Variants in CD38 observed in about 807,000 individuals in gnomAD.
CD38 encodes CD38 molecule.
A neutral mutation model predicts 36.3 loss-of-function variants in CD38; 31 were observed. The observed-to-expected ratio is 0.85, with a 90% CI of 0.64 to 1.15. CD38 has a LOEUF of 1.15. Ranked by LOEUF, CD38 falls within the 50% of genes most tolerant of loss-of-function variation. The pLI, the probability that CD38 is intolerant of heterozygous loss-of-function variation, is 0.00. For missense variants in CD38, 380 were observed against 371.9 expected, an observed-to-expected ratio of 1.02 and a Z score of -0.18; for synonymous variants, 131 against 135.2, an observed-to-expected ratio of 0.97 and a Z score of 0.22.
At chr4:15,847,938 C>T (rs556781717) in intron 7 of CD38, among the ~76,000 whole-genome samples, 1 of 152,262 alleles carries the variant, frequency 6.6e-6, no homozygotes, top group South Asian at 2.1e-4. Context: ...ATAATGGGAA[C>T]CAGGTGACAC....
intron 5 of CD38, among the ~76,000 whole-genome samples, chr4:15,839,444 G>A (rs1370027577): frequency 1.1e-5 from 1 of 91,168 alleles, no homozygotes; most frequent in Admixed American, 1.5e-4. Flanking sequence ...TTTTTTTTGA[G>A]ATGGCGTCTC....
At chr4:15,847,877 G>T (rs1239718068) in intron 7 of CD38, among the ~76,000 whole-genome samples, 2 of 152,080 alleles carry the variant, frequency 1.3e-5, no homozygotes, top group Non-Finnish European at 2.9e-5. Flanking sequence ...TCTCCATCTG[G>T]AAAGAAAATA....
chr4:15,840,373 G>C, intron 6 of CD38, 79 bp from the exon 7 acceptor site: 1 of 938,244 alleles, frequency 1.1e-6, no homozygotes, highest in South Asian at 1.5e-5. Flanking sequence ...CCTTGTCCAG[G>C]GCGTGCTACA....
chr4:15,817,229 T>C (rs139618046), intron 2 of CD38, among the ~76,000 whole-genome samples: 1 of 152,318 alleles, frequency 6.6e-6, no homozygotes, highest in East Asian at 1.9e-4. Flanking sequence ...TAAATGTAAA[T>C]GGTATGAGAC....
chr4:15,803,202 C>T (rs1723266163), intron 1 of CD38, among the ~76,000 whole-genome samples: 1 of 152,036 alleles, frequency 6.6e-6, no homozygotes, highest in African/African-American at 2.4e-5. Flanking sequence ...TAAGAGAAAA[C>T]ATAAGGAAAA....
At chr4:15,829,469 C>T (rs1420247875) in intron 3 of CD38, among the ~76,000 whole-genome samples, 4 of 151,996 alleles carry the variant, frequency 2.6e-5, no homozygotes, top group African/African-American at 9.7e-5. Context: ...ACATAAAATA[C>T]ACTAATACTA....
rs745350308 is a variant in CD38 at position 15,778,546 on chromosome 4, G to A, written c.132G>A (p.Pro44=). 4 of 1,611,910 alleles carry A rather than the reference G, an allele frequency of 2.5e-6. No homozygotes were observed. In the South Asian group the frequency reaches 4.4e-5, roughly 18 times the overall value. ...ILVVVLAVVV[P]RWRQQWSGPG... is the part of the protein sequence containing the mutation. ...TCGTGGTGCTCGCGGTGGTCGTCCC[G>A]AGGTGGCGCCAGCAGTGGAGCGGTC... Residue 44 remains proline, a synonymous_variant, in exon 1 of 8, where the codon CCG becomes CCA. Coordinates refer to ENST00000226279, the MANE Select transcript of CD38 (RefSeq NM_001775.4). The surrounding 1 kb of genome is among the most constrained non-coding windows in gnomAD (Gnocchi z 4.9).
intron 5 of CD38, among the ~76,000 whole-genome samples, chr4:15,839,644 C>T (rs1040640167): frequency 1.3e-5 from 2 of 151,656 alleles, no homozygotes; most frequent in African/African-American, 4.8e-5. Flanking sequence ...AGGATGGTCT[C>T]GATCCCCTGG....
intron 1 of CD38, among the ~76,000 whole-genome samples, chr4:15,814,101 C>T (rs944153912): frequency 1.3e-5 from 2 of 152,342 alleles, no homozygotes; most frequent in African/African-American, 4.8e-5. Context: ...CACAGCCTCA[C>T]CAGCATCTGT....
chr4:15,832,835 G>C (rs1723986730), intron 3 of CD38, among the ~76,000 whole-genome samples: 1 of 152,110 alleles, frequency 6.6e-6, no homozygotes, highest in African/African-American at 2.4e-5. Flanking sequence ...CCAAGGCCCT[G>C]GGTTGGTCCA....
At chr4:15,824,681 A>AACAC (rs3832313) in intron 2 of CD38, among the ~76,000 whole-genome samples, 200 bp from the exon 3 acceptor site, 5 of 150,594 alleles carry the variant, frequency 3.3e-5, no homozygotes, top group African/African-American at 9.8e-5. Flanking sequence ...TGTGACCTAG[A>AACAC]ACACACACAC....
At chr4:15,823,160 C>A (rs1232170402) in intron 2 of CD38, among the ~76,000 whole-genome samples, 3 of 152,232 alleles carry the variant, frequency 2.0e-5, no homozygotes, top group Middle Eastern at 3.4e-3. Context: ...CCCTTCCTTG[C>A]AACTCATACA....
intron 1 of CD38, among the ~76,000 whole-genome samples, chr4:15,794,855 C>T (rs548399470): frequency 2.6e-5 from 4 of 151,910 alleles, no homozygotes; most frequent in Admixed American, 6.6e-5. Context: ...ACCACAAGCA[C>T]GAACATGTTT....
At chr4:15,836,899 G>A (rs1457955060) in intron 4 of CD38, among the ~76,000 whole-genome samples, 3 of 152,130 alleles carry the variant, frequency 2.0e-5, no homozygotes, top group African/African-American at 7.2e-5. Context: ...TTTGTCAAAT[G>A]GAAATCAAAA....
chr4:15,784,979 C>T (rs1271440953), intron 1 of CD38, among the ~76,000 whole-genome samples: 1 of 152,004 alleles, frequency 6.6e-6, no homozygotes, highest in Non-Finnish European at 1.5e-5. Context: ...TCGCTTGAAC[C>T]TGGGAGGCGG....
intron 1 of CD38, among the ~76,000 whole-genome samples, chr4:15,810,864 C>T (rs751764917): frequency 2.0e-5 from 3 of 152,204 alleles, no homozygotes; most frequent in Non-Finnish European, 2.9e-5. Context: ...TAATTAATTA[C>T]ACCTGCAACT....
In CD38 at chr4:15,825,017, G is replaced by T. The variant is rs79840235; in HGVS notation, c.499+1G>T. ...TGGTGTGGTGAATTCAACACTTCCA[G>T]TGAGGCTCTGGGCCCTGTGGGATTG... is the stretch of plus-strand genomic sequence containing the variant. On this transcript the variant is annotated splice_donor_variant, in intron 3 of 7. Transcript: ENST00000226279. LOFTEE classifies it high-confidence loss of function. The T allele has an allele frequency of 3.8e-4, 612 of 1,606,942 alleles. 3 individuals are homozygous for T. The African/African-American group carries it at 7.0e-3, about 18-fold the overall frequency.
chr4:15,780,594 A>G (rs1722677052), intron 1 of CD38, among the ~76,000 whole-genome samples: 1 of 150,120 alleles, frequency 6.7e-6, no homozygotes, highest in Non-Finnish European at 1.5e-5. Context: ...ACATCCCTGA[A>G]ATCTTGACCT....
At chr4:15,815,701 A>G (rs55934802) in intron 1 of CD38, among the ~76,000 whole-genome samples, 37,327 of 151,990 alleles carry the variant, frequency 0.25, 7,368 homozygotes, top group African/African-American at 0.55. Context: ...CAATCATGTC[A>G]TCTGCACACA....
Sources: gnomAD v4.1 joint callset for allele counts (sites outside exome capture counted in the v4.1 genomes callset) on GRCh38, gnomAD v4.1.1 for gene constraint, Gnocchi (gnomAD v3.1) non-coding constraint, MANE v1.5 for transcripts, NCBI Gene and HGNC (gene_info 2026-07-23, HGNC 2026-07-21) for gene names.